Variants in YES1 observed in about 807,000 individuals in gnomAD.
YES1 encodes the protein YES proto-oncogene 1, Src family tyrosine kinase.
YES1 carries 39 observed loss-of-function variants against 70.4 expected under a neutral mutation model. The ratio of observed to expected loss-of-function variants is 0.55; its 90% CI spans 0.43 to 0.72. The LOEUF is 0.72. YES1 is among the 30% of genes least tolerant of loss of function. YES1 has a pLI of 0.00. For missense variants in YES1, 495 were observed against 644.8 expected (o/e 0.77, Z 2.52); for synonymous variants, 198 against 218.6 (o/e 0.91, Z 0.83).
chr18:747,813 T>C (rs1187019077), intron 4 of YES1, 107 bp downstream of exon 4: 4 of 947,946 alleles, frequency 4.2e-6, no homozygotes, highest in Non-Finnish European at 6.5e-6. Context: ...TAAGCTGTAT[T>C]AAGACTGGTA....
chr18:757,919 C>T (rs569519036), intron 1 of YES1, among the ~76,000 whole-genome samples: 1 of 150,562 alleles, frequency 6.6e-6, no homozygotes, highest in Admixed American at 6.6e-5. Context: ...AAGAGAAAAA[C>T]CTACCTCATA....
At chr18:733,029 T>C (rs2080110574) in intron 10 of YES1, 64 bp from the exon 11 acceptor site, 4 of 1,517,360 alleles carry the variant, frequency 2.6e-6, no homozygotes, top group Non-Finnish European at 3.7e-6. Context: ...AAACATAGCA[T>C]ATGCAGGGCT....
At chr18:756,937 G>A in intron 1 of YES1, 102 bp from the exon 2 acceptor site, 2 of 1,140,072 alleles carry the variant, frequency 1.8e-6, no homozygotes, top group South Asian at 1.7e-5. Context: ...TGCCATCCCT[G>A]CAAAAAGGAA....
At chr18:766,677 T>TTGAGCATGTTCTCA (rs1460974786) in intron 1 of YES1, among the ~76,000 whole-genome samples, 1 of 152,128 alleles carries the variant, frequency 6.6e-6, no homozygotes, top group African/African-American at 2.4e-5. Flanking sequence ...ACACCTTATT[T>TTGAGCATGTTCTCA]TGAGCATGTT....
chr18:794,055 T>G (rs1340384667), intron 1 of YES1, among the ~76,000 whole-genome samples: 1 of 152,236 alleles, frequency 6.6e-6, no homozygotes, highest in Non-Finnish European at 1.5e-5. Context: ...AGCCAAGGAA[T>G]CATCAATGGA....
intron 11 of YES1, among the ~76,000 whole-genome samples, chr18:729,309 G>A (rs1348021616): frequency 6.6e-6 from 1 of 151,872 alleles, no homozygotes; most frequent in Non-Finnish European, 1.5e-5. Context: ...CAGCTACTTG[G>A]GAGGCTGAGG....
At chr18:765,290 A>ATATC (rs1904844165) in intron 1 of YES1, among the ~76,000 whole-genome samples, 2 of 125,312 alleles carry the variant, frequency 1.6e-5, no homozygotes, top group African/African-American at 3.0e-5. Context: ...ATATATATAT[A>ATATC]TATCTGTAGC....
rs1406832451 is a variant in YES1, at chr18:812,202, C to A, written c.-97G>T. 6.6e-6 allele frequency: 1 copy of A among 152,292 alleles called. No homozygotes were observed. The highest frequency in any genetic ancestry group is 1.5e-5 in the Non-Finnish European group (1 of 68,024). 9.4% of individuals were successfully genotyped at this position (152,292 alleles called of 1,614,324 possible). A position where few individuals can be genotyped will look rare whatever the true frequency, so the allele number is the denominator to read the frequency against. Reference sequence around the variant, plus strand: ...GCGAGGCCCGCGGGCCCTCTCCCTCCTCCACCTCCTCGTCCCGGGGCGCCC... The same window carrying A: ...GCGAGGCCCGCGGGCCCTCTCCCTCATCCACCTCCTCGTCCCGGGGCGCCC... On this transcript the variant is annotated 5_prime_UTR_variant, in exon 1 of 12. It adds an upstream start codon to the 5' untranslated region. Transcript: ENST00000314574.
intron 1 of YES1, among the ~76,000 whole-genome samples, chr18:782,958 A>G (rs1292933758): frequency 6.6e-6 from 1 of 152,254 alleles, no homozygotes; most frequent in African/African-American, 2.4e-5. Flanking sequence ...CTGCGATTAC[A>G]GGCGTGAGCC....
Position 724,470 on chromosome 18 carries a change from T to C in YES1, c.1586A>G (p.Tyr529Cys), listed in dbSNP as rs777706059. Residue 529 changes from tyrosine to cysteine, a missense_variant, in exon 12 of 12, where the codon TAC (tyrosine) becomes TGC (cysteine). Coordinates refer to ENST00000314574, the MANE Select transcript of YES1 (RefSeq NM_005433.4). ...FEYIQSFLED[Y>C]FTATEPQYQP... The stretch of plus-strand genomic sequence containing the variant: ...GTACTGTGGCTCTGTAGCAGTGAAG[T>C]AGTCTTCCAAGAAGGACTGAATATA... 3.1e-6 allele frequency: 5 copies of C among 1,614,096 alleles called. No individual in the cohort carries two copies. The highest frequency in any genetic ancestry group is 2.7e-5 in the African/African-American group (2 of 74,946).
intron 1 of YES1, among the ~76,000 whole-genome samples, chr18:768,358 A>T (rs562231731): frequency 6.6e-6 from 1 of 152,220 alleles, no homozygotes; most frequent in Non-Finnish European, 1.5e-5. Flanking sequence ...CTATAGATCA[A>T]TCTGGGGAGA....
intron 9 of YES1, chr18:739,080 C>T (rs1322829774): frequency 6.6e-6 from 1 of 152,290 alleles, no homozygotes; most frequent in Non-Finnish European, 1.5e-5. Flanking sequence ...CCACCTCGGC[C>T]TCTCAAAGTG....
At position 763,777 on chromosome 18, in the gene YES1, A is replaced by G. The variant is rs556081461; in HGVS notation, c.-8-6942T>C. Among the ~76,000 whole-genome samples, 20 of 151,400 alleles carry G rather than the reference A, an allele frequency of 1.3e-4. No individual in the cohort carries two copies. In the East Asian group the frequency reaches 2.1e-3, roughly 16 times the overall value. ...TGATAATGGGGGAAATGAGAAGTGT[A>G]TAAGTATAATAATCAAGGTTGTCAG... On this transcript the variant is annotated intron_variant, in intron 1 of 11. Transcript: ENST00000314574.
chr18:777,030 G>A lies in YES1; in HGVS notation c.-8-20195C>T, dbSNP rs535839727. Among the ~76,000 whole-genome samples the A allele has an allele frequency of 2.0e-5, 3 of 152,226 alleles. No homozygotes were observed. In the East Asian group the frequency reaches 5.8e-4, roughly 29 times the overall value. On this transcript the variant is annotated intron_variant, in intron 1 of 11. Coordinates refer to ENST00000314574, the MANE Select transcript of YES1 (RefSeq NM_005433.4). ...TAGACATTAACCACAAAAATCAGGGGGCAATTATTAATTTTTTTCATTCTT... is the reference window on the plus strand; with the variant it reads ...TAGACATTAACCACAAAAATCAGGGAGCAATTATTAATTTTTTTCATTCTT...
intron 1 of YES1, among the ~76,000 whole-genome samples, chr18:778,044 G>A (rs1032775878): frequency 7.2e-5 from 11 of 152,024 alleles, no homozygotes; most frequent in African/African-American, 2.7e-4. Flanking sequence ...TGTCTTCAAA[G>A]CTCTTTGTTA....
intron 10 of YES1, chr18:736,168 A>G (rs1440796263): frequency 7.1e-6 from 1 of 141,464 alleles, no homozygotes; most frequent in African/African-American, 2.7e-5. Flanking sequence ...GGGAGACCCT[A>G]TCTCGAAAAA....
chr18:787,187 C>A (rs1906006029), intron 1 of YES1, among the ~76,000 whole-genome samples: 1 of 147,306 alleles, frequency 6.8e-6, no homozygotes, highest in African/African-American at 2.5e-5. Context: ...GCAACCTCCA[C>A]CTCCCGGGTT....
intron 1 of YES1, among the ~76,000 whole-genome samples, chr18:792,812 TAAAAAAGAAA>T (rs1906338182): frequency 6.7e-6 from 1 of 149,704 alleles, no homozygotes; most frequent in South Asian, 2.1e-4. Flanking sequence ...TAAAAAAATG[TAAAAAAGAAA>T]GAAAAAGAAG....
chr18:727,918 A>AGT (rs2080041156), intron 11 of YES1, among the ~76,000 whole-genome samples: 1 of 152,192 alleles, frequency 6.6e-6, no homozygotes, highest in African/African-American at 2.4e-5. Context: ...ATATAGGCTG[A>AGT]GTATCCCTTA....
Sources: gnomAD v4.1 joint callset for allele counts (sites outside exome capture counted in the v4.1 genomes callset) on GRCh38, gnomAD v4.1.1 for gene constraint, MANE v1.5 for transcripts, NCBI Gene and HGNC (gene_info 2026-07-23, HGNC 2026-07-21) for gene names.